Variants in ZDHHC2 observed in about 807,000 individuals in gnomAD.
The protein encoded by ZDHHC2 is zDHHC palmitoyltransferase 2, also known as palmitoyltransferase ZDHHC2.
A neutral mutation model predicts 55.6 loss-of-function variants in ZDHHC2; 51 were observed. That is an observed-to-expected ratio of 0.92 (90% CI 0.73 to 1.16). ZDHHC2 has a LOEUF of 1.16. ZDHHC2 is among the 50% of genes most tolerant of loss of function. The probability of loss-of-function intolerance (pLI) is 0.00; values close to 1 mark genes in which losing one functional copy is unlikely to be tolerated. For synonymous variants in ZDHHC2, 199 were observed against 152.9 expected (o/e 1.30, Z -2.22); for missense variants, 491 against 442.4 (o/e 1.11, Z -0.99).
At chr8:17,210,365 CT>C in intron 9 of ZDHHC2, 22 bp from the exon 10 acceptor site, 3 of 1,603,422 alleles carry the variant, frequency 1.9e-6, no homozygotes, top group Non-Finnish European at 2.6e-6. Flanking sequence ...TGGTTCAGTT[CT>C]AAATTTTTAT....
At position 17,156,872 on chromosome 8, in the gene ZDHHC2, G is replaced by A; in HGVS notation, c.130+19G>A. On this transcript the variant is annotated intron_variant, in intron 1 of 12. Transcript: ENST00000262096. ...TGCATAGGTGAGTGCGCCCCCCGCC[G>A]CGGCGCCCCCAGCGCAGCGCAGCCC... 2 of 1,485,288 alleles carry A rather than the reference G, an allele frequency of 1.3e-6. No individual in the cohort carries two copies. Among genetic ancestry groups the A allele is most frequent in the East Asian group, 3.0e-5 (1 of 33,632 alleles). The allele number at this position is 1,485,288 out of a possible 1,614,324, so 92.0% of individuals were successfully genotyped here. A position where few individuals can be genotyped will look rare whatever the true frequency, so the allele number is the denominator to read the frequency against.
At chr8:17,206,242 G>T (rs961019252) in intron 7 of ZDHHC2, among the ~76,000 whole-genome samples, 10 of 152,198 alleles carry the variant, frequency 6.6e-5, no homozygotes, top group Non-Finnish European at 1.0e-4. Flanking sequence ...GTGTTATGGA[G>T]AAAATAGGTG....
rs1807926683 is a variant in ZDHHC2, at chr8:17,221,733, A to G, written c.*1512A>G. The G allele has an allele frequency of 6.6e-6, 1 of 152,496 alleles. No individual in the cohort carries two copies. The highest frequency in any genetic ancestry group is 1.5e-5 in the Non-Finnish European group (1 of 67,920). The allele number at this position is 152,496 out of a possible 1,614,324, so 9.4% of individuals were successfully genotyped here. ...AAGTCCATTTTATAGTTTGAGTGCA[A>G]TTCTTTGAACAATAGAAATATCTGC... On this transcript the variant is annotated 3_prime_UTR_variant, in exon 13 of 13. Transcript: ENST00000262096.
chr8:17,156,732 C>G lies in ZDHHC2; in HGVS notation c.9C>G (p.Pro3=), dbSNP rs1357505799. 1 of 1,479,200 alleles carries G rather than the reference C, an allele frequency of 6.8e-7. No individual in the cohort carries two copies. Among genetic ancestry groups the G allele is most frequent in the African/African-American group, 1.5e-5 (1 of 68,042 alleles). 91.6% of individuals were successfully genotyped at this position (1,479,200 alleles called of 1,614,324 possible). The part of the protein sequence containing the change: MA[P]SGPGSSARRR... ...GTGGATGCGGCTGGAAGATGGCGCCCTCGGGCCCGGGCAGCAGCGCCAGGC... is the reference window on the plus strand; with the variant it reads ...GTGGATGCGGCTGGAAGATGGCGCCGTCGGGCCCGGGCAGCAGCGCCAGGC... Residue 3 remains proline, a synonymous_variant, in exon 1 of 13, where the codon CCC becomes CCG. Coordinates refer to ENST00000262096, the MANE Select transcript of ZDHHC2 (RefSeq NM_016353.5).
intron 1 of ZDHHC2, among the ~76,000 whole-genome samples, chr8:17,160,005 C>T (rs936293647): frequency 1.3e-5 from 2 of 152,084 alleles, no homozygotes; most frequent in Admixed American, 1.3e-4. Context: ...AACATTTGTA[C>T]GGGGAACTTT....
intron 11 of ZDHHC2, among the ~76,000 whole-genome samples, chr8:17,216,270 T>G (rs574857398): frequency 3.7e-4 from 57 of 152,280 alleles, no homozygotes; most frequent in African/African-American, 1.4e-3. Flanking sequence ...CTCTGGGATT[T>G]AGTGGTAGCG....
chr8:17,182,659 A>G (rs1367991833), intron 1 of ZDHHC2, among the ~76,000 whole-genome samples: 2 of 152,184 alleles, frequency 1.3e-5, no homozygotes, highest in Admixed American at 6.5e-5. Context: ...AATAATAATA[A>G]TAATAATAAT....
chr8:17,158,042 T>A (rs117183384), intron 1 of ZDHHC2, among the ~76,000 whole-genome samples: 1 of 152,208 alleles, frequency 6.6e-6, no homozygotes, highest in African/African-American at 2.4e-5. Flanking sequence ...TCATATAGTT[T>A]TAAAATTTGC....
At chr8:17,182,209 T>G (rs748610795) in intron 1 of ZDHHC2, among the ~76,000 whole-genome samples, 2 of 152,200 alleles carry the variant, frequency 1.3e-5, no homozygotes, top group Non-Finnish European at 2.9e-5. Context: ...AATAGCTATA[T>G]GCAGTTTTAT....
chr8:17,169,642 C>A (rs1357576747), intron 1 of ZDHHC2, among the ~76,000 whole-genome samples: 1 of 152,136 alleles, frequency 6.6e-6, no homozygotes, highest in Non-Finnish European at 1.5e-5. Context: ...ATCCGCAGCA[C>A]AGGGACTGAA....
chr8:17,202,027 G>C (rs186850035), intron 6 of ZDHHC2, among the ~76,000 whole-genome samples: 1 of 152,160 alleles, frequency 6.6e-6, no homozygotes, highest in African/African-American at 2.4e-5. Flanking sequence ...TTCTATCAAA[G>C]TATTTTTTTC....
chr8:17,199,497 T>TTCA (rs1480481564), intron 6 of ZDHHC2, among the ~76,000 whole-genome samples: 1 of 52,684 alleles, frequency 1.9e-5, no homozygotes, highest in East Asian at 4.0e-4. Flanking sequence ...CTTCTTCTTC[T>TTCA]TCTTCTTCTT....
At chr8:17,192,489 A>G (rs1422308357) in intron 3 of ZDHHC2, among the ~76,000 whole-genome samples, 6 of 152,070 alleles carry the variant, frequency 3.9e-5, no homozygotes, top group African/African-American at 1.4e-4. Flanking sequence ...TTTCCTATAG[A>G]GTTGTTCGAG....
intron 1 of ZDHHC2, among the ~76,000 whole-genome samples, chr8:17,176,884 G>T (rs139643728): frequency 1.3e-5 from 2 of 152,136 alleles, no homozygotes; most frequent in African/African-American, 4.8e-5. Flanking sequence ...TATATAAGTA[G>T]ATAGGTTATA....
At chr8:17,204,307 A>G (rs1806979203) in intron 6 of ZDHHC2, among the ~76,000 whole-genome samples, 1 of 152,222 alleles carries the variant, frequency 6.6e-6, no homozygotes, top group African/African-American at 2.4e-5. Flanking sequence ...GGAGAGTGAG[A>G]TGATTTTTAC....
At position 17,195,620 on chromosome 8, in the gene ZDHHC2, T is replaced by C. The variant is rs1483442852; in HGVS notation, c.369T>C (p.Ser123=). Residue 123 remains serine (S), a synonymous_variant, in exon 4 of 13, where the codon TCT becomes TCC. Transcript: ENST00000262096. ...KDLPIYTRTM[S]GAIRYCDRCQ... ...TTCCCATCTATACCAGGACCATGTC[T>C]GGAGGTAAATGTTGATAATGAGTGC... is the stretch of plus-strand genomic sequence containing the variant. 53 of 1,613,676 alleles carry C rather than the reference T, an allele frequency of 3.3e-5. No individual in the cohort carries two copies. In the Admixed American group the frequency reaches 8.8e-4, roughly 27 times the overall value.
chr8:17,186,471 A>C (rs1805717518), intron 3 of ZDHHC2, 46 bp downstream of exon 3: 1 of 1,148,292 alleles, frequency 8.7e-7, no homozygotes, highest in Admixed American at 3.3e-5. Flanking sequence ...AGAAATCAAT[A>C]ATACTGATGT....
intron 3 of ZDHHC2, among the ~76,000 whole-genome samples, chr8:17,194,994 C>A (rs1806232724): frequency 1.3e-5 from 2 of 152,052 alleles, no homozygotes; most frequent in African/African-American, 4.8e-5. Flanking sequence ...GCAAAATTGT[C>A]AGTATAAGAA....
At chr8:17,172,195 T>G (rs979424385) in intron 1 of ZDHHC2, among the ~76,000 whole-genome samples, 1 of 152,236 alleles carries the variant, frequency 6.6e-6, no homozygotes, top group Non-Finnish European at 1.5e-5. Context: ...AAAATTGTTT[T>G]AACTAGACCC....
Sources: gnomAD v4.1 joint callset for allele counts (sites outside exome capture counted in the v4.1 genomes callset) on GRCh38, gnomAD v4.1.1 for gene constraint, MANE v1.5 for transcripts, NCBI Gene and HGNC (gene_info 2026-07-23, HGNC 2026-07-21) for gene names.